The following NLGN1 variants were observed in gnomAD, a reference collection of about 807,000 sequenced individuals.
The protein encoded by NLGN1 is neuroligin-1.
In NLGN1, 12 loss-of-function variants were observed where a neutral mutation model predicts 65.5. The observed-to-expected ratio is 0.18, with a 90% CI of 0.12 to 0.30. NLGN1 has a LOEUF of 0.30. NLGN1 is among the 10% of genes least tolerant of loss of function. The probability of loss-of-function intolerance (pLI) is 1.00; values close to 1 mark genes in which losing one functional copy is unlikely to be tolerated. For missense variants in NLGN1, 750 were observed against 1,007.1 expected, an observed-to-expected ratio of 0.74 and a Z score of 3.46; for synonymous variants, 350 against 359.5, an observed-to-expected ratio of 0.97 and a Z score of 0.30.
intron 4 of NLGN1, among the ~76,000 whole-genome samples, chr3:174,082,377 A>G (rs1411935070): frequency 6.6e-6 from 1 of 152,166 alleles, no homozygotes. Flanking sequence ...ATAATAATTT[A>G]AATAGGGAGG....
At chr3:173,832,748 TTAAA>T (rs1166462410) in intron 4 of NLGN1, among the ~76,000 whole-genome samples, 2 of 152,216 alleles carry the variant, frequency 1.3e-5, no homozygotes, top group Non-Finnish European at 2.9e-5. Flanking sequence ...ATGTACATGA[TTAAA>T]TAAATAAATA....
chr3:173,922,723 T>A (rs981306139), intron 4 of NLGN1, among the ~76,000 whole-genome samples: 39 of 152,108 alleles, frequency 2.6e-4, no homozygotes, highest in Non-Finnish European at 1.2e-4. Flanking sequence ...GTTAACTACT[T>A]TGGCTTCTAT....
At chr3:173,790,259 T>C (rs890578564) in intron 3 of NLGN1, among the ~76,000 whole-genome samples, 4 of 152,108 alleles carry the variant, frequency 2.6e-5, no homozygotes. Flanking sequence ...ACCATTCTAT[T>C]ATTCTCCCTA....
intron 3 of NLGN1, among the ~76,000 whole-genome samples, chr3:173,676,915 A>T (rs1216498654): frequency 1.3e-5 from 2 of 152,028 alleles, no homozygotes; most frequent in African/African-American, 4.8e-5. Context: ...CCCGGCCCTG[A>T]TGTCTAGCAT....
intron 4 of NLGN1, among the ~76,000 whole-genome samples, chr3:173,868,514 A>G (rs2150851776): frequency 6.6e-6 from 1 of 152,274 alleles, no homozygotes; most frequent in Non-Finnish European, 1.5e-5. Flanking sequence ...TCATTGGTGA[A>G]TAAAAATGCA....
intron 4 of NLGN1, among the ~76,000 whole-genome samples, chr3:173,830,010 G>GTGTC (rs76306125): frequency 1.4e-5 from 2 of 139,244 alleles, no homozygotes; most frequent in Non-Finnish European, 3.1e-5. Context: ...GGTAGTGTGG[G>GTGTC]GGGGGGAGGG....
chr3:173,731,639 C>G (rs1772865278), intron 3 of NLGN1, among the ~76,000 whole-genome samples: 1 of 152,000 alleles, frequency 6.6e-6, no homozygotes, highest in South Asian at 2.1e-4. Context: ...AATTCAGGTT[C>G]CTTCTTCAAT....
At chr3:173,841,725 G>A (rs936227080) in intron 4 of NLGN1, among the ~76,000 whole-genome samples, 1 of 152,250 alleles carries the variant, frequency 6.6e-6, no homozygotes, top group African/African-American at 2.4e-5. Context: ...CAAAGAAAAT[G>A]GATCAGCCTA....
chr3:174,025,507 CCAA>C (rs1199047323), intron 4 of NLGN1, among the ~76,000 whole-genome samples: 2 of 151,888 alleles, frequency 1.3e-5, no homozygotes, highest in African/African-American at 4.8e-5. Context: ...ATTCAAATCA[CCAA>C]CAACAATAAT....
At chr3:174,104,084 C>G (rs182155676) in intron 4 of NLGN1, among the ~76,000 whole-genome samples, 1 of 152,010 alleles carries the variant, frequency 6.6e-6, no homozygotes, top group East Asian at 1.9e-4. Context: ...TTTTTCATTT[C>G]GCAGTCTTTT....
intron 4 of NLGN1, among the ~76,000 whole-genome samples, chr3:174,128,175 T>A (rs1482675130): frequency 6.6e-6 from 1 of 152,164 alleles, no homozygotes; most frequent in African/African-American, 2.4e-5. Context: ...AATTTTTAAT[T>A]TTGATAGTCC....
At chr3:174,023,517 A>G (rs546528233) in intron 4 of NLGN1, among the ~76,000 whole-genome samples, 2 of 152,240 alleles carry the variant, frequency 1.3e-5, no homozygotes, top group South Asian at 4.1e-4. Flanking sequence ...TCTCAAGGGG[A>G]TTAATTCCCA....
At chr3:173,427,048 T>C (rs139722356) in intron 1 of NLGN1, among the ~76,000 whole-genome samples, 1 of 152,042 alleles carries the variant, frequency 6.6e-6, no homozygotes, top group Non-Finnish European at 1.5e-5. Flanking sequence ...GATTCAATCT[T>C]GTAAGATTGT....
chr3:173,722,644 T>G (rs1771050098), intron 3 of NLGN1, among the ~76,000 whole-genome samples: 1 of 152,150 alleles, frequency 6.6e-6, no homozygotes, highest in Admixed American at 6.5e-5. Context: ...TGCAGCCACA[T>G]CAAATCCAGA....
intron 4 of NLGN1, among the ~76,000 whole-genome samples, chr3:174,206,404 C>T (rs912307810): frequency 2.6e-5 from 4 of 152,108 alleles, no homozygotes; most frequent in East Asian, 3.9e-4. Flanking sequence ...AACTGAATTT[C>T]GTTTTAGCTA....
chr3:174,142,039 C>G (rs1722378059), intron 4 of NLGN1, among the ~76,000 whole-genome samples: 1 of 152,092 alleles, frequency 6.6e-6, no homozygotes, highest in East Asian at 1.9e-4. Flanking sequence ...TTTCCCCCTA[C>G]CCTCACCTCT....
At chr3:174,136,159 A>G (rs1721168987) in intron 4 of NLGN1, among the ~76,000 whole-genome samples, 1 of 152,142 alleles carries the variant, frequency 6.6e-6, no homozygotes, top group South Asian at 2.1e-4. Context: ...TACAATAGAT[A>G]TAGGTTACAA....
chr3:173,627,242 T>C (rs1754963737), intron 3 of NLGN1, among the ~76,000 whole-genome samples: 1 of 152,136 alleles, frequency 6.6e-6, no homozygotes. Context: ...AACCACCATT[T>C]GACTCTGTGC....
chr3:173,528,608 C>T (rs1338420205), intron 2 of NLGN1, among the ~76,000 whole-genome samples: 1 of 152,056 alleles, frequency 6.6e-6, no homozygotes, highest in Non-Finnish European at 1.5e-5. Flanking sequence ...CACATAATTC[C>T]ATATTTCTCC....
Sources: allele counts gnomAD v4.1 joint callset (sites outside exome capture counted in the v4.1 genomes callset), GRCh38; gene constraint gnomAD v4.1.1; transcripts MANE v1.5; gene names NCBI Gene and HGNC (gene_info 2026-07-23, HGNC 2026-07-21).